The following CSMD1 variants were observed in gnomAD, a reference collection of about 807,000 sequenced individuals.
The protein encoded by CSMD1 is CUB and sushi domain-containing protein 1.
A neutral mutation model predicts 417.5 loss-of-function variants in CSMD1; 213 were observed. The observed-to-expected ratio is 0.51, with a 90% CI of 0.46 to 0.57. The LOEUF (loss-of-function observed/expected upper bound fraction) is 0.57. CSMD1 is among the 20% of genes least tolerant of loss of function. The probability of loss-of-function intolerance (pLI) is 0.00; values close to 1 mark genes in which losing one functional copy is unlikely to be tolerated. For synonymous variants in CSMD1, 2,862 were observed against 1,736.8 expected (o/e 1.65, Z -16.11); for missense variants, 6,923 against 4,529.7 (o/e 1.53, Z -15.17).
In CSMD1 at chr8:4,928,424, T is replaced by C. The variant is rs28595712; in HGVS notation, c.85+65908A>G. On this transcript the variant is annotated intron_variant, in intron 1 of 69. Transcript: ENST00000635120. Reference sequence around the variant, plus strand: ...GCTTTCCCTGATTGTCTCTGATACATCGATAACTACTAACATTGTTCCAAG... The same window carrying C: ...GCTTTCCCTGATTGTCTCTGATACACCGATAACTACTAACATTGTTCCAAG... Among the ~76,000 whole-genome samples, 1,237 of 152,306 alleles carry C rather than the reference T, an allele frequency of 8.1e-3. 14 individuals carry two copies. The highest frequency in any genetic ancestry group is 0.028 in the African/African-American group (1,155 of 41,562).
At chr8:3,148,478 G>C (rs529401365) in intron 40 of CSMD1, among the ~76,000 whole-genome samples, 1 of 152,100 alleles carries the variant, frequency 6.6e-6, no homozygotes, top group Non-Finnish European at 1.5e-5. Context: ...ATTCACATGC[G>C]GCCGAAGTGT....
At chr8:3,648,854 C>T (rs534586158) in intron 7 of CSMD1, among the ~76,000 whole-genome samples, 1 of 152,244 alleles carries the variant, frequency 6.6e-6, no homozygotes, top group South Asian at 2.1e-4. Flanking sequence ...ATGTTGTTAC[C>T]AAGTGTGACT....
At chr8:3,245,566 G>A (rs1484062079) in intron 26 of CSMD1, among the ~76,000 whole-genome samples, 2 of 152,216 alleles carry the variant, frequency 1.3e-5, no homozygotes, top group Non-Finnish European at 2.9e-5. Context: ...TCTTTGAAAT[G>A]CATCATCAAG....
intron 3 of CSMD1, among the ~76,000 whole-genome samples, chr8:4,227,015 C>A (rs1801401158): frequency 6.6e-6 from 1 of 152,152 alleles, no homozygotes; most frequent in South Asian, 2.1e-4. Flanking sequence ...CCGTCATTAT[C>A]TCTGCAGGTG....
chr8:4,866,193 T>C (rs778142163), intron 1 of CSMD1, among the ~76,000 whole-genome samples: 3 of 151,976 alleles, frequency 2.0e-5, no homozygotes, highest in Non-Finnish European at 4.4e-5. Flanking sequence ...CACCATTTCA[T>C]TTAAAATGAA....
intron 1 of CSMD1, among the ~76,000 whole-genome samples, chr8:4,839,156 A>G (rs1419667956): frequency 3.3e-5 from 5 of 152,124 alleles, no homozygotes; most frequent in Non-Finnish European, 5.9e-5. Context: ...AACTAAAACC[A>G]TCCTTCTTTC....
chr8:4,394,586 C>T (rs1034754672), intron 3 of CSMD1, among the ~76,000 whole-genome samples: 3 of 152,098 alleles, frequency 2.0e-5, no homozygotes, highest in African/African-American at 7.2e-5. Context: ...TCTGTGGATG[C>T]CCCCAGTAGC....
intron 26 of CSMD1, among the ~76,000 whole-genome samples, chr8:3,238,508 T>C (rs2116953746): frequency 6.6e-6 from 1 of 152,210 alleles, no homozygotes; most frequent in East Asian, 1.9e-4. Flanking sequence ...ATGGGCGATG[T>C]TTCTCAGGGC....
At chr8:4,459,716 T>C (rs1799693789) in intron 2 of CSMD1, among the ~76,000 whole-genome samples, 1 of 152,054 alleles carries the variant, frequency 6.6e-6, no homozygotes, top group Non-Finnish European at 1.5e-5. Flanking sequence ...AGTTCAGAAA[T>C]AATGAAGCAA....
rs180788362 is a variant in CSMD1 at position 3,421,232 on chromosome 8, A to G, written c.1562-11627T>C. The stretch of plus-strand genomic sequence containing the variant: ...GAGGAAAATGCAGAGTCATTAAAGT[A>G]TAAAAGGTGGTGGTCTTCAGAGACT... On this transcript the variant is annotated intron_variant, in intron 12 of 69. Transcript: ENST00000635120. 4.2e-3 allele frequency among the ~76,000 whole-genome samples: 636 copies of G among 152,338 alleles called. 3 individuals carry two copies. The highest frequency in any genetic ancestry group is 0.034 in the Middle Eastern group (10 of 294).
chr8:4,680,546 G>C (rs1199132291), intron 1 of CSMD1, among the ~76,000 whole-genome samples: 1 of 152,104 alleles, frequency 6.6e-6, no homozygotes, highest in Non-Finnish European at 1.5e-5. Context: ...CTGATGGTGA[G>C]CCAGCTTGAT....
chr8:4,073,262 T>C (rs565906666), intron 3 of CSMD1, among the ~76,000 whole-genome samples: 1 of 152,064 alleles, frequency 6.6e-6, no homozygotes, highest in Non-Finnish European at 1.5e-5. Flanking sequence ...AAGGTAAAAA[T>C]AGGCCAAAAT....
intron 7 of CSMD1, among the ~76,000 whole-genome samples, chr8:3,625,403 A>G (rs978141152): frequency 6.7e-6 from 1 of 150,018 alleles, no homozygotes; most frequent in Non-Finnish European, 1.5e-5. Flanking sequence ...AACTTATTAC[A>G]TTGCCAGATT....
At chr8:3,588,573 G>A (rs1281416922) in intron 8 of CSMD1, among the ~76,000 whole-genome samples, 1 of 152,124 alleles carries the variant, frequency 6.6e-6, no homozygotes, top group African/African-American at 2.4e-5. Flanking sequence ...AGGGCTCTCT[G>A]CTCCTATAAC....
At chr8:3,368,309 T>A (rs986287369) in intron 19 of CSMD1, among the ~76,000 whole-genome samples, 1 of 152,108 alleles carries the variant, frequency 6.6e-6, no homozygotes, top group Non-Finnish European at 1.5e-5. Flanking sequence ...TACATAATAC[T>A]TATGTGATCG....
At position 2,951,201 on chromosome 8, in the gene CSMD1, T is replaced by A; in HGVS notation, c.10114A>T (p.Thr3372Ser). 6.2e-7 allele frequency: 1 copy of A among 1,612,522 alleles called. No homozygotes were observed. Among genetic ancestry groups the A allele is most frequent in the East Asian group, 2.2e-5 (1 of 44,790 alleles). ...YEYLGKRQPA[T>S]LTVDWFNATS... ...GCATTGAACCAGTCAACAGTTAGAGTGGCGGGTTGTCTTTTCCCTAAATAT... is the reference window on the plus strand; with the variant it reads ...GCATTGAACCAGTCAACAGTTAGAGAGGCGGGTTGTCTTTTCCCTAAATAT... Residue 3372 changes from threonine to serine, a missense_variant, in exon 66 of 70, where the codon ACT becomes TCT. Transcript: ENST00000635120.
At chr8:4,973,668 C>T (rs975278534) in intron 1 of CSMD1, among the ~76,000 whole-genome samples, 26 of 152,096 alleles carry the variant, frequency 1.7e-4, no homozygotes, top group African/African-American at 6.3e-4. Flanking sequence ...AAGAATAATA[C>T]CCATTCATTA....
chr8:3,347,958 T>C (rs1179058202), intron 22 of CSMD1, 34 bp downstream of exon 22: 5 of 1,486,796 alleles, frequency 3.4e-6, no homozygotes, highest in African/African-American at 1.4e-5. Context: ...AGAAGAAAAC[T>C]TGGAGTCATC....
intron 51 of CSMD1, among the ~76,000 whole-genome samples, chr8:3,026,657 TGTGA>T (rs1456475709): frequency 6.6e-6 from 1 of 152,196 alleles, no homozygotes; most frequent in African/African-American, 2.4e-5. Context: ...AACTCTGCCC[TGTGA>T]GACCGTGAGC....
Sources: allele counts gnomAD v4.1 joint callset (sites outside exome capture counted in the v4.1 genomes callset), GRCh38; gene constraint gnomAD v4.1.1; transcripts MANE v1.5; gene names NCBI Gene and HGNC (gene_info 2026-07-23, HGNC 2026-07-21).